TMEM181: variants seen among roughly 807,000 people sequenced by gnomAD.
TMEM181 encodes transmembrane protein 181.
TMEM181 carries 39 observed loss-of-function variants against 71.9 expected under a neutral mutation model. That is an observed-to-expected ratio of 0.54 (90% CI 0.42 to 0.71). The LOEUF (loss-of-function observed/expected upper bound fraction) is 0.71, where lower values mean the gene tolerates loss of function less well. Among genes scored for constraint, TMEM181 ranks in the 30% least tolerant of loss-of-function variants. The probability of loss-of-function intolerance (pLI) is 0.00; values close to 1 mark genes in which losing one functional copy is unlikely to be tolerated. For synonymous variants in TMEM181, 245 were observed against 228.8 expected (o/e 1.07, Z -0.64); for missense variants, 595 against 583.0 (o/e 1.02, Z -0.21).
At chr6:158,617,056 T>G (rs1208770137) in intron 10 of TMEM181, among the ~76,000 whole-genome samples, 3 of 152,230 alleles carry the variant, frequency 2.0e-5, no homozygotes, top group Non-Finnish European at 2.9e-5. Flanking sequence ...TCAGAAAGAA[T>G]AATAGCAACT....
intron 10 of TMEM181, among the ~76,000 whole-genome samples, chr6:158,622,273 CTCTT>C (rs564446648): frequency 1.4e-3 from 211 of 152,248 alleles, no homozygotes; most frequent in South Asian, 3.7e-3. Context: ...GACGTGCTCT[CTCTT>C]TTTCAAAATA....
chr6:158,625,667 C>T (rs771037814), intron 12 of TMEM181, 36 bp from the exon 13 acceptor site: 18 of 1,561,010 alleles, frequency 1.2e-5, no homozygotes, highest in African/African-American at 1.1e-4. Flanking sequence ...GTGGAATTTA[C>T]TTCCAGAGTT....
chr6:158,590,944 G>C (rs1784077202), intron 6 of TMEM181, among the ~76,000 whole-genome samples: 1 of 152,212 alleles, frequency 6.6e-6, no homozygotes, highest in South Asian at 2.1e-4. Flanking sequence ...CGTGTGAATG[G>C]AGTCACACAA....
At chr6:158,575,405 T>G (rs577750404) in intron 2 of TMEM181, among the ~76,000 whole-genome samples, 2 of 152,170 alleles carry the variant, frequency 1.3e-5, no homozygotes, top group East Asian at 1.9e-4. Context: ...CTTGGCTCAC[T>G]GCAACCTCTT....
chr6:158,558,192 AG>A (rs1173586658), upstream of TMEM181, among the ~76,000 whole-genome samples: 1 of 152,226 alleles, frequency 6.6e-6, no homozygotes, highest in African/African-American at 2.4e-5. Flanking sequence ...GAGATGCCTC[AG>A]GAGAGACCAG....
rs1318469667 is a variant in TMEM181 at position 158,620,140 on chromosome 6, G to T, written c.897-3410G>T. On this transcript the variant is annotated intron_variant, in intron 10 of 16. Transcript: ENST00000684151. The surrounding 1 kb of genome is among the most constrained non-coding windows in gnomAD (Gnocchi z 4.5). ...CCTGTGAGCCAAGTTTGGCGAGGTT[G>T]TGAAGGAGACAGCCCAGAGGGGAGG... 1.3e-5 allele frequency among the ~76,000 whole-genome samples: 2 copies of T among 152,230 alleles called. No individual in the cohort carries two copies. The highest frequency in any genetic ancestry group is 2.9e-5 in the Non-Finnish European group (2 of 68,034).
chr6:158,557,505 A>ATTTAT (rs1554301646), upstream of TMEM181, among the ~76,000 whole-genome samples: 3 of 146,942 alleles, frequency 2.0e-5, no homozygotes, highest in East Asian at 2.0e-4. Flanking sequence ...CACAGCTGTA[A>ATTTAT]TTATTTATTT....
At chr6:158,559,658 A>T (rs1393422811), upstream of TMEM181, among the ~76,000 whole-genome samples, 1 of 152,214 alleles carries the variant, frequency 6.6e-6, no homozygotes, top group Non-Finnish European at 1.5e-5. Context: ...TCGGGGTGGC[A>T]GAAGTTTGTC....
intron 1 of TMEM181, among the ~76,000 whole-genome samples, chr6:158,542,104 A>C (rs981424426): frequency 1.3e-5 from 2 of 151,880 alleles, no homozygotes; most frequent in African/African-American, 4.8e-5. Flanking sequence ...ATGGGGCTTC[A>C]TCATGATGCC....
rs1002469845 is a variant in TMEM181 at position 158,628,131 on chromosome 6, G to GAGTGT, written c.1110-276_1110-272dup. ...GAGGCTTCAAGGCCCCGAGTAGGGA[G>GAGTGT]AGTGTGATGGGGCCTGCAGCAGGGT... On this transcript the variant is annotated intron_variant, in intron 13 of 16. Transcript: ENST00000684151. The GAGTGT allele has an allele frequency of 1.2e-5, 7 of 605,346 alleles. No homozygotes were observed. In the Admixed American group the frequency reaches 1.6e-4, roughly 14 times the overall value. 37.5% of individuals were successfully genotyped at this position (605,346 alleles called of 1,614,324 possible).
chr6:158,606,861 T>C (rs1784985206), intron 7 of TMEM181, among the ~76,000 whole-genome samples: 1 of 152,234 alleles, frequency 6.6e-6, no homozygotes, highest in Non-Finnish European at 1.5e-5. Flanking sequence ...GCCTGTGTCC[T>C]GGGTGGGTTC....
rs1001707883 is a variant in TMEM181 at position 158,628,200 on chromosome 6, A to C, written c.1110-208A>C. 3.6e-5 allele frequency: 25 copies of C among 694,390 alleles called. No homozygotes were observed. In the Middle Eastern group the frequency reaches 9.3e-4, roughly 26 times the overall value. 43.0% of individuals were successfully genotyped at this position (694,390 alleles called of 1,614,324 possible). On this transcript the variant is annotated intron_variant, in intron 13 of 16. Coordinates refer to ENST00000684151, the MANE Select transcript of TMEM181 (RefSeq NM_001376852.1). ...CGGCCGGTGGGTCTAGCCCACCTAG[A>C]TCCGAGACCAAAAACCAGAAGCAGG...
At chr6:158,605,129 AAAG>A (rs1784872971) in intron 6 of TMEM181, 135 bp from the exon 7 acceptor site, 3 of 394,338 alleles carry the variant, frequency 7.6e-6, no homozygotes, top group South Asian at 3.0e-5. Flanking sequence ...AAAAAAAAAA[AAAG>A]TGTGTGTGTG....
intron 2 of TMEM181, among the ~76,000 whole-genome samples, chr6:158,576,784 C>T (rs915061546): frequency 1.3e-5 from 2 of 152,036 alleles, no homozygotes; most frequent in Non-Finnish European, 2.9e-5. Context: ...ACAAGGCGGC[C>T]GGGCGTGGTG....
chr6:158,590,669 G>A (rs140004833), intron 6 of TMEM181, among the ~76,000 whole-genome samples: 49 of 152,264 alleles, frequency 3.2e-4, no homozygotes, highest in Middle Eastern at 3.4e-3. Flanking sequence ...TCACCATGTT[G>A]GCCAGGATGG....
At chr6:158,545,005 C>T (rs989559503) in intron 1 of TMEM181, among the ~76,000 whole-genome samples, 1 of 152,158 alleles carries the variant, frequency 6.6e-6, no homozygotes, top group African/African-American at 2.4e-5. Context: ...AGGAAAACGC[C>T]CCGGGGTGAC....
intron 6 of TMEM181, among the ~76,000 whole-genome samples, chr6:158,592,260 G>A (rs1204397260): frequency 1.3e-5 from 2 of 152,214 alleles, no homozygotes; most frequent in African/African-American, 4.8e-5. Context: ...AGAAATTCAC[G>A]TGGCAACAGA....
At chr6:158,565,046 T>G (rs1243902950) in intron 1 of TMEM181, among the ~76,000 whole-genome samples, 1 of 152,176 alleles carries the variant, frequency 6.6e-6, no homozygotes, top group East Asian at 1.9e-4. Context: ...TCACACCCCT[T>G]GGGCCCCTGC....
In TMEM181 at chr6:158,607,300, G is replaced by T. The variant is rs1477702977; in HGVS notation, c.630G>T (p.Gln210His). The change falls in exon 8 of 17, where the codon CAG (glutamine) becomes CAT (histidine). Residue 210 changes from glutamine to histidine, a missense_variant. Transcript: ENST00000684151. The part of the protein sequence containing the change: ...KFSMRDWGIE[Q>H]KWMSVLLPLL... ...CCATGAGAGACTGGGGCATCGAGCA[G>T]AAGTGGATGTCTGTTCTCCTGCCTC... 3 of 1,614,102 alleles carry T rather than the reference G, an allele frequency of 1.9e-6. No individual in the cohort carries two copies. In the African/African-American group the frequency reaches 4.0e-5, roughly 22 times the overall value.
Sources: gnomAD v4.1 joint callset for allele counts (sites outside exome capture counted in the v4.1 genomes callset) on GRCh38, gnomAD v4.1.1 for gene constraint, Gnocchi (gnomAD v3.1) non-coding constraint, MANE v1.5 for transcripts, NCBI Gene and HGNC (gene_info 2026-07-23, HGNC 2026-07-21) for gene names.